The following OPHN1 variants were observed in gnomAD, a reference collection of about 807,000 sequenced individuals.
The protein encoded by OPHN1 is oligophrenin-1.
In OPHN1, 11 loss-of-function variants were observed where a neutral mutation model predicts 60.7. That is an observed-to-expected ratio of 0.18 (90% CI 0.11 to 0.30). OPHN1 has a LOEUF of 0.30. Ranked by LOEUF, OPHN1 falls within the 10% of genes least tolerant of loss-of-function variation. The pLI is 1.00. For missense variants in OPHN1, 449 were observed against 611.0 expected, an observed-to-expected ratio of 0.73 and a Z score of 2.80; for synonymous variants, 226 against 222.6, an observed-to-expected ratio of 1.02 and a Z score of -0.14.
intron 12 of OPHN1, among the ~76,000 whole-genome samples, chrX:68,196,181 G>A (rs769151836): frequency 7.2e-5 from 8 of 111,753 alleles, no homozygotes; most frequent in East Asian, 2.8e-4. Flanking sequence ...CCAGGATACT[G>A]AGGACACATA....
chrX:68,078,634 C>T (rs2076962350), intron 19 of OPHN1, among the ~76,000 whole-genome samples: 1 of 110,834 alleles, frequency 9.0e-6, no homozygotes, highest in Admixed American at 9.7e-5. Context: ...AGACCATAGA[C>T]ACCCTCCCTC....
intron 2 of OPHN1, among the ~76,000 whole-genome samples, chrX:68,318,379 C>T (rs1375158683): frequency 9.0e-6 from 1 of 111,727 alleles, no homozygotes; most frequent in African/African-American, 3.3e-5. Context: ...ATCAAAACCA[C>T]AGCAAGATTT....
chrX:68,090,673 G>A, intron 19 of OPHN1, among the ~76,000 whole-genome samples: 1 of 110,614 alleles, frequency 9.0e-6, no homozygotes, highest in Admixed American at 9.7e-5. Flanking sequence ...TGGCCATTTG[G>A]GAACATAGGC....
At chrX:68,204,412 T>A (rs1434023041) in intron 10 of OPHN1, among the ~76,000 whole-genome samples, 1 of 111,758 alleles carries the variant, frequency 8.9e-6, no homozygotes, top group Non-Finnish European at 1.9e-5. Context: ...TGACTTCACA[T>A]AGCTGCTAGG....
chrX:68,076,113 A>G (rs779695603), intron 19 of OPHN1, among the ~76,000 whole-genome samples: 5 of 110,951 alleles, frequency 4.5e-5, no homozygotes, highest in African/African-American at 9.7e-5. Context: ...CCAAAACTCA[A>G]TAACTCAATA....
intron 21 of OPHN1, among the ~76,000 whole-genome samples, chrX:68,060,488 C>T (rs999955891): frequency 1.8e-5 from 2 of 111,852 alleles, no homozygotes; most frequent in African/African-American, 6.5e-5. Flanking sequence ...GTATCAAGCT[C>T]ATGTCTGGAA....
chrX:68,242,960 T>A (rs1216019229), intron 5 of OPHN1, among the ~76,000 whole-genome samples: 2 of 110,921 alleles, frequency 1.8e-5, no homozygotes, highest in Non-Finnish European at 3.8e-5. Flanking sequence ...CTTTGCCTCC[T>A]GGGTTCAAGT....
intron 9 of OPHN1, among the ~76,000 whole-genome samples, chrX:68,209,522 T>C (rs770497234): frequency 1.8e-5 from 2 of 111,414 alleles, no homozygotes; most frequent in East Asian, 5.7e-4. Flanking sequence ...GCTATGATGG[T>C]GCCATTGCAC....
intron 2 of OPHN1, among the ~76,000 whole-genome samples, chrX:68,381,194 C>G (rs1207826223): frequency 1.8e-5 from 2 of 111,929 alleles, no homozygotes; most frequent in Non-Finnish European, 3.8e-5. Flanking sequence ...TGTCAGCTAT[C>G]TAAATGAAAA....
At chrX:68,280,090 T>C (rs773212471) in intron 4 of OPHN1, among the ~76,000 whole-genome samples, 1 of 111,435 alleles carries the variant, frequency 9.0e-6, no homozygotes, top group East Asian at 2.8e-4. Context: ...TAGTAGACTG[T>C]GTATTAGCAA....
chrX:68,061,538 T>C (rs1381129502), intron 21 of OPHN1, among the ~76,000 whole-genome samples: 1 of 111,592 alleles, frequency 9.0e-6, no homozygotes, highest in African/African-American at 3.3e-5. Context: ...TACATTAAAG[T>C]TTTCCTTTTC....
chrX:68,417,620 C>T (rs2078805847), intron 2 of OPHN1, among the ~76,000 whole-genome samples: 1 of 112,472 alleles, frequency 8.9e-6, no homozygotes, highest in African/African-American at 3.2e-5. Flanking sequence ...ACCAGAGCTG[C>T]CTTCTCTGGT....
intron 15 of OPHN1, among the ~76,000 whole-genome samples, chrX:68,156,673 G>A (rs2077311038): frequency 9.0e-6 from 1 of 111,386 alleles, no homozygotes; most frequent in Non-Finnish European, 1.9e-5. Context: ...CTTCCATTTA[G>A]TATAATGTTT....
intron 2 of OPHN1, among the ~76,000 whole-genome samples, chrX:68,425,882 G>A (rs1218553880): frequency 2.1e-5 from 2 of 94,301 alleles, no homozygotes; most frequent in Non-Finnish European, 2.0e-5. Flanking sequence ...AGGCTGGAGT[G>A]CAGTGGAGTG....
chrX:68,228,302 G>T (rs1483237922), intron 6 of OPHN1, among the ~76,000 whole-genome samples: 1 of 111,804 alleles, frequency 8.9e-6, no homozygotes, highest in Non-Finnish European at 1.9e-5. Context: ...GGACCAGATG[G>T]ATTCACAGCC....
intron 23 of OPHN1, among the ~76,000 whole-genome samples, chrX:68,052,183 G>C (rs1005351698): frequency 9.0e-6 from 1 of 110,787 alleles, no homozygotes; most frequent in Non-Finnish European, 1.9e-5. Context: ...CCAGCTACTA[G>C]GGAGGCTGAG....
rs1278200946 is a variant in OPHN1 at position 68,064,067 on chromosome X, C to T, written c.1945G>A (p.Gly649Arg). 8.3e-7 allele frequency: 1 copy of T among 1,210,660 alleles called. No individual in the cohort carries two copies. Among genetic ancestry groups the T allele is most frequent in the Non-Finnish European group, 1.1e-6 (1 of 895,124 alleles). ...PIQRSGETDP[G>R]RKSPSRPILD... ...ATAGGCCTGCTTGGGGACTTCCTCCCAGGATCAGTTTCCCCACTCCTCTGA... is the reference window on the plus strand; with the variant it reads ...ATAGGCCTGCTTGGGGACTTCCTCCTAGGATCAGTTTCCCCACTCCTCTGA... The change falls in exon 21 of 25, where the codon GGG (glycine) becomes AGG (arginine). Residue 649 changes from glycine to arginine, a missense_variant. By Grantham distance (125) the Gly-to-Arg change is moderately radical. Coordinates refer to ENST00000355520, the MANE Select transcript of OPHN1 (RefSeq NM_002547.3).
In OPHN1 at chrX:68,324,483, G is replaced by A. The variant is rs781678079; in HGVS notation, c.155-25387C>T. Among the ~76,000 whole-genome samples, 324 of 105,743 alleles carry A rather than the reference G, an allele frequency of 3.1e-3. 2 individuals carry two copies. Among genetic ancestry groups the A allele is most frequent in the African/African-American group, 0.011 (308 of 28,969 alleles). 91.8% of individuals were successfully genotyped at this position (105,743 alleles called of 115,157 possible). A position where few individuals can be genotyped will look rare whatever the true frequency, so the allele number is the denominator to read the frequency against. On this transcript the variant is annotated intron_variant, in intron 2 of 24. Coordinates refer to ENST00000355520, the MANE Select transcript of OPHN1 (RefSeq NM_002547.3). ...AAAATAGCCAGGTATGGTGGTGCGC[G>A]CTGTAGTCCCAGCTACTCCAGAGGC...
At chrX:68,255,874 A>G (rs1033760766) in intron 5 of OPHN1, among the ~76,000 whole-genome samples, 1 of 111,349 alleles carries the variant, frequency 9.0e-6, no homozygotes, top group Non-Finnish European at 1.9e-5. Flanking sequence ...CTAGGCATTT[A>G]TTATTCCTCC....
Sources: allele counts gnomAD v4.1 joint callset (sites outside exome capture counted in the v4.1 genomes callset), GRCh38; gene constraint gnomAD v4.1.1; transcripts MANE v1.5; gene names NCBI Gene and HGNC (gene_info 2026-07-23, HGNC 2026-07-21).